Variants in WDR72 observed in about 807,000 individuals in gnomAD.
The protein encoded by WDR72 is WD repeat domain 72, also known as WD repeat-containing protein 72.
A neutral mutation model predicts 124.2 loss-of-function variants in WDR72; 120 were observed. The observed-to-expected ratio is 0.97, with a 90% CI of 0.83 to 1.12. The LOEUF is 1.12. WDR72 is among the 50% of genes most tolerant of loss of function. The probability of loss-of-function intolerance (pLI) is 0.00; values close to 1 mark genes in which losing one functional copy is unlikely to be tolerated. For missense variants in WDR72, 1,387 were observed against 1,278.8 expected, an observed-to-expected ratio of 1.08 and a Z score of -1.29; for synonymous variants, 452 against 441.7, an observed-to-expected ratio of 1.02 and a Z score of -0.29.
intron 14 of WDR72, among the ~76,000 whole-genome samples, chr15:53,627,316 T>C (rs2014250407): frequency 6.6e-6 from 1 of 152,258 alleles, no homozygotes; most frequent in African/African-American, 2.4e-5. Context: ...GTCGTCATCA[T>C]GTGAAAACAT....
intron 18 of WDR72, among the ~76,000 whole-genome samples, chr15:53,557,677 C>T (rs1893981465): frequency 6.6e-6 from 1 of 151,928 alleles, no homozygotes; most frequent in Non-Finnish European, 1.5e-5. Flanking sequence ...GGAAAAGTGA[C>T]CACCGACCAT....
At chr15:53,682,282 G>C (rs897749401) in intron 13 of WDR72, among the ~76,000 whole-genome samples, 1 of 151,484 alleles carries the variant, frequency 6.6e-6, no homozygotes, top group Non-Finnish European at 1.5e-5. Context: ...TCACCACATG[G>C]AACTAAAGAC....
Position 53,515,892 on chromosome 15 carries a change from G to A in WDR72, c.*1807C>T, listed in dbSNP as rs556431187. 2.6e-5 allele frequency: 4 copies of A among 152,166 alleles called. No homozygotes were observed. Among genetic ancestry groups the A allele is most frequent in the Admixed American group, 6.5e-5 (1 of 15,276 alleles). 9.4% of individuals were successfully genotyped at this position (152,166 alleles called of 1,614,324 possible). A position where few individuals can be genotyped will look rare whatever the true frequency, so the allele number is the denominator to read the frequency against. ...TTCATAAACATATCATAACCTGAGC[G>A]TCCAAATAGATTTTAACAATTAAAA... On this transcript the variant is annotated 3_prime_UTR_variant, in exon 20 of 20. Coordinates refer to ENST00000360509, the MANE Select transcript of WDR72 (RefSeq NM_182758.4).
intron 18 of WDR72, among the ~76,000 whole-genome samples, chr15:53,572,424 C>G (rs202000913): frequency 1.5e-4 from 2 of 13,424 alleles, no homozygotes; most frequent in Admixed American, 9.2e-4. Flanking sequence ...TATTTTTTTG[C>G]CCTACCTATG....
chr15:53,717,120 G>A (rs941507182), intron 3 of WDR72, among the ~76,000 whole-genome samples: 2 of 152,088 alleles, frequency 1.3e-5, no homozygotes, highest in African/African-American at 2.4e-5. Context: ...GTGCCACCAA[G>A]AGGCTACATT....
intron 18 of WDR72, among the ~76,000 whole-genome samples, chr15:53,578,198 C>T (rs756797918): frequency 1.3e-5 from 2 of 152,110 alleles, no homozygotes; most frequent in East Asian, 3.9e-4. Flanking sequence ...ACATATCCCC[C>T]TCCCTTCAGG....
At chr15:53,759,729 C>CGCCCCGCCCCGGTCCT (rs1296624252), upstream of WDR72, 1 of 151,470 alleles carries the variant, frequency 6.6e-6, no homozygotes, top group Non-Finnish European at 1.5e-5. Flanking sequence ...CGCCCCGCCC[C>CGCCCCGCCCCGGTCCT]GCCCCGCCCC....
intron 18 of WDR72, among the ~76,000 whole-genome samples, chr15:53,531,826 G>T (rs1892488147): frequency 6.6e-6 from 1 of 152,048 alleles, no homozygotes; most frequent in South Asian, 2.1e-4. Context: ...CAGTTTCCTA[G>T]ATTAGTGTAA....
intron 14 of WDR72, among the ~76,000 whole-genome samples, chr15:53,617,187 TA>T (rs2013801054): frequency 6.6e-6 from 1 of 151,868 alleles, no homozygotes; most frequent in African/African-American, 2.4e-5. Flanking sequence ...TCTCCTTTTG[TA>T]AAATTTTACG....
At chr15:53,731,586 G>A (rs1450350983) in intron 2 of WDR72, among the ~76,000 whole-genome samples, 1 of 151,286 alleles carries the variant, frequency 6.6e-6, no homozygotes. Context: ...ATTGCTCCCT[G>A]TAAGAACCAC....
In WDR72 at chr15:53,714,583, C is replaced by T. The variant is rs1005811758; in HGVS notation, c.515-73G>A. On this transcript the variant is annotated intron_variant, in intron 5 of 19. Transcript: ENST00000360509. Reference sequence around the variant, plus strand: ...GGGTAGGTAAAAATCATTTCACAGTCATTTAAGAATTACGCAGGGCTGTGT... The same window carrying T: ...GGGTAGGTAAAAATCATTTCACAGTTATTTAAGAATTACGCAGGGCTGTGT... The T allele has an allele frequency of 4.8e-6, 6 of 1,238,964 alleles. No homozygotes were observed. The South Asian group carries it at 6.1e-5, about 13-fold the overall frequency. The allele number at this position is 1,238,964 out of a possible 1,614,324, so 76.7% of individuals were successfully genotyped here. A position where few individuals can be genotyped will look rare whatever the true frequency, so the allele number is the denominator to read the frequency against.
At chr15:53,522,608 G>A (rs911911949) in intron 19 of WDR72, among the ~76,000 whole-genome samples, 1 of 151,994 alleles carries the variant, frequency 6.6e-6, no homozygotes. Context: ...GTTTCTAGCT[G>A]TATCCTTCTA....
At chr15:53,596,611 C>T (rs2012786092) in intron 18 of WDR72, among the ~76,000 whole-genome samples, 1 of 152,234 alleles carries the variant, frequency 6.6e-6, no homozygotes, top group African/African-American at 2.4e-5. Flanking sequence ...TAAGCTATTG[C>T]TGTTACTTCT....
At chr15:53,583,724 G>A (rs145238662) in intron 18 of WDR72, among the ~76,000 whole-genome samples, 22 of 152,012 alleles carry the variant, frequency 1.4e-4, no homozygotes, top group African/African-American at 5.1e-4. Flanking sequence ...CACAGTGCAG[G>A]GTATGTTATA....
intron 18 of WDR72, among the ~76,000 whole-genome samples, chr15:53,559,797 G>T (rs552554436): frequency 6.6e-6 from 1 of 152,100 alleles, no homozygotes; most frequent in African/African-American, 2.4e-5. Flanking sequence ...TGCCAATTAT[G>T]TTCTCTTAAC....
intron 14 of WDR72, among the ~76,000 whole-genome samples, chr15:53,660,936 A>G (rs560652230): frequency 6.6e-6 from 1 of 152,272 alleles, no homozygotes; most frequent in African/African-American, 2.4e-5. Context: ...TATTTTGCCA[A>G]TTTCTCCTCA....
chr15:53,708,688 T>A (rs572188793), intron 9 of WDR72, among the ~76,000 whole-genome samples: 20 of 152,282 alleles, frequency 1.3e-4, no homozygotes, highest in Admixed American at 4.6e-4. Flanking sequence ...GTCATCATCA[T>A]CACCATCATC....
At chr15:53,656,603 C>T (rs1354479260) in intron 14 of WDR72, among the ~76,000 whole-genome samples, 1 of 152,090 alleles carries the variant, frequency 6.6e-6, no homozygotes, top group African/African-American at 2.4e-5. Context: ...ATGGTACTCT[C>T]AGTCAATAAG....
At chr15:53,611,456 C>T (rs1213817892) in intron 16 of WDR72, among the ~76,000 whole-genome samples, 1 of 151,986 alleles carries the variant, frequency 6.6e-6, no homozygotes, top group African/African-American at 2.4e-5. Flanking sequence ...TCTTAAATTC[C>T]AATCCCCTTC....
Sources: allele counts gnomAD v4.1 joint callset (sites outside exome capture counted in the v4.1 genomes callset), GRCh38; gene constraint gnomAD v4.1.1; transcripts MANE v1.5; gene names NCBI Gene and HGNC (gene_info 2026-07-23, HGNC 2026-07-21).